The following LRRC49 variants were observed in gnomAD, a reference collection of about 807,000 sequenced individuals.
The protein encoded by LRRC49 is leucine-rich repeat-containing protein 49.
Under a neutral mutation model 83.3 loss-of-function variants are expected in LRRC49, and 50 were observed. That is an observed-to-expected ratio of 0.60 (90% CI 0.48 to 0.76). The LOEUF (loss-of-function observed/expected upper bound fraction) is 0.76, where lower values mean the gene tolerates loss of function less well. Among genes scored for constraint, LRRC49 ranks in the 30% least tolerant of loss-of-function variants. The pLI is 0.00. For missense variants in LRRC49, 704 were observed against 809.1 expected (o/e 0.87, Z 1.58); for synonymous variants, 286 against 283.3 (o/e 1.01, Z -0.10).
intron 11 of LRRC49, among the ~76,000 whole-genome samples, chr15:71,000,302 C>G (rs1258128669): frequency 6.6e-6 from 1 of 152,112 alleles, no homozygotes; most frequent in Non-Finnish European, 1.5e-5. Context: ...CATTTTTGCT[C>G]TCTCTTTGGG....
At chr15:70,938,435 T>C (rs766473846) in intron 8 of LRRC49, among the ~76,000 whole-genome samples, 2 of 152,178 alleles carry the variant, frequency 1.3e-5, no homozygotes, top group Non-Finnish European at 2.9e-5. Flanking sequence ...TGTTTTTATA[T>C]GGCTTTCACA....
intron 9 of LRRC49, among the ~76,000 whole-genome samples, chr15:70,973,495 G>A (rs1053990421): frequency 3.9e-5 from 6 of 152,200 alleles, no homozygotes; most frequent in Non-Finnish European, 8.8e-5. Flanking sequence ...CTGTCCCTTA[G>A]CAGAGCTCGA....
intron 8 of LRRC49, among the ~76,000 whole-genome samples, chr15:70,940,979 G>A (rs972416086): frequency 6.6e-6 from 1 of 152,126 alleles, no homozygotes; most frequent in African/African-American, 2.4e-5. Context: ...ATAATGTAAG[G>A]AGGACCCATA....
chr15:70,855,829 A>G (rs532160134), intron 1 of LRRC49, among the ~76,000 whole-genome samples: 14 of 152,340 alleles, frequency 9.2e-5, no homozygotes, highest in African/African-American at 3.4e-4. Context: ...GGAAGAGGCA[A>G]GAGGCTGACA....
chr15:70,936,209 T>A (rs1027997428), intron 7 of LRRC49, among the ~76,000 whole-genome samples: 1 of 152,172 alleles, frequency 6.6e-6, no homozygotes, highest in Non-Finnish European at 1.5e-5. Flanking sequence ...GCCCTTACAG[T>A]ACCCTTCAGT....
chr15:71,013,116 A>G (rs2038711916), intron 14 of LRRC49, among the ~76,000 whole-genome samples: 1 of 152,200 alleles, frequency 6.6e-6, no homozygotes, highest in African/African-American at 2.4e-5. Flanking sequence ...AGTTAAAGAT[A>G]TACACATACA....
chr15:70,984,060 T>C, intron 10 of LRRC49, 34 bp from the exon 11 acceptor site: 1 of 1,578,434 alleles, frequency 6.3e-7, no homozygotes, highest in South Asian at 1.1e-5. Flanking sequence ...AAAATTGCAT[T>C]ATATAACTTT....
chr15:70,901,317 T>A (rs1290307017), intron 4 of LRRC49, among the ~76,000 whole-genome samples: 1 of 152,154 alleles, frequency 6.6e-6, no homozygotes, highest in Non-Finnish European at 1.5e-5. Flanking sequence ...AACCACAGTA[T>A]AATCCTCACA....
chr15:70,988,188 C>G (rs1452088365), intron 11 of LRRC49, among the ~76,000 whole-genome samples: 2 of 151,260 alleles, frequency 1.3e-5, no homozygotes, highest in Non-Finnish European at 2.9e-5. Context: ...TCCTGGGTAT[C>G]CTTGTTAACT....
chr15:70,901,301 G>GA (rs1018465362), intron 4 of LRRC49, among the ~76,000 whole-genome samples: 1 of 151,998 alleles, frequency 6.6e-6, no homozygotes, highest in Non-Finnish European at 1.5e-5. Flanking sequence ...TTGTAGTATA[G>GA]AAAAAAACCA....
intron 7 of LRRC49, among the ~76,000 whole-genome samples, chr15:70,921,762 G>A (rs1382700608): frequency 7.2e-5 from 11 of 151,990 alleles, no homozygotes; most frequent in Admixed American, 7.2e-4. Context: ...CTTTTGTTAG[G>A]GTTTTCATGA....
At chr15:71,011,810 G>A (rs971421050) in intron 13 of LRRC49, among the ~76,000 whole-genome samples, 7 of 152,126 alleles carry the variant, frequency 4.6e-5, no homozygotes, top group Non-Finnish European at 1.5e-5. Context: ...TGATTCATAG[G>A]TATGTTTGTG....
chr15:70,854,398 C>T (rs554320448), intron 1 of LRRC49, among the ~76,000 whole-genome samples: 235 of 152,258 alleles, frequency 1.5e-3, no homozygotes, highest in African/African-American at 5.5e-3. Context: ...TCCGTCTTTT[C>T]GCCGCTGTGG....
intron 14 of LRRC49, among the ~76,000 whole-genome samples, chr15:71,013,918 C>T (rs564916014): frequency 9.9e-5 from 15 of 152,188 alleles, no homozygotes; most frequent in South Asian, 6.2e-4. Flanking sequence ...AGGATCATAC[C>T]GCTTTAGCTG....
At chr15:70,937,285 A>AATGCT (rs2035631845) in intron 8 of LRRC49, among the ~76,000 whole-genome samples, 1 of 152,216 alleles carries the variant, frequency 6.6e-6, no homozygotes, top group Non-Finnish European at 1.5e-5. Flanking sequence ...GCTTAGAATT[A>AATGCT]ATGCTGCTAA....
chr15:70,963,351 T>A (rs1596073188), intron 8 of LRRC49, among the ~76,000 whole-genome samples: 1 of 146,930 alleles, frequency 6.8e-6, no homozygotes, highest in Non-Finnish European at 1.5e-5. Flanking sequence ...CAAATCCTAA[T>A]AGGGGGTCAT....
chr15:70,987,145 C>T (rs949009784), intron 11 of LRRC49, among the ~76,000 whole-genome samples: 3 of 152,172 alleles, frequency 2.0e-5, no homozygotes, highest in Non-Finnish European at 4.4e-5. Context: ...TGATGCTGAC[C>T]TCATAAAATG....
At position 71,049,667 on chromosome 15, in the gene LRRC49, A is replaced by G; in HGVS notation, c.*55A>G. On this transcript the variant is annotated 3_prime_UTR_variant, in exon 16 of 16. Transcript: ENST00000260382. ...CAGTTTTATTTTTTGAAGGTTGAAA[A>G]TATGCAGGTTATACATGTTAAAACA... The G allele has an allele frequency of 8.4e-7, 1 of 1,191,018 alleles. No homozygotes were observed. Among genetic ancestry groups the G allele is most frequent in the Non-Finnish European group, 1.2e-6 (1 of 810,048 alleles). 73.8% of individuals were successfully genotyped at this position (1,191,018 alleles called of 1,614,324 possible). A position where few individuals can be genotyped will look rare whatever the true frequency, so the allele number is the denominator to read the frequency against.
At chr15:70,871,839 G>A (rs2033050750) in intron 1 of LRRC49, among the ~76,000 whole-genome samples, 1 of 151,642 alleles carries the variant, frequency 6.6e-6, no homozygotes, top group South Asian at 2.1e-4. Context: ...CAGACGATGG[G>A]CGGCCGGGCA....
Sources: allele counts gnomAD v4.1 joint callset (sites outside exome capture counted in the v4.1 genomes callset), GRCh38; gene constraint gnomAD v4.1.1; transcripts MANE v1.5; gene names NCBI Gene and HGNC (gene_info 2026-07-23, HGNC 2026-07-21).